DDX10: variants seen among roughly 807,000 people sequenced by gnomAD.
DDX10 encodes probable ATP-dependent RNA helicase DDX10.
In DDX10, 74 loss-of-function variants were observed where a neutral mutation model predicts 104.3. The ratio of observed to expected loss-of-function variants is 0.71; its 90% confidence interval spans 0.59 to 0.86. The LOEUF is 0.86. DDX10 is among the 40% of genes least tolerant of loss of function. The probability of loss-of-function intolerance (pLI) is 0.00; values close to 1 mark genes in which losing one functional copy is unlikely to be tolerated. For missense variants in DDX10, 952 were observed against 1,040.0 expected, an observed-to-expected ratio of 0.92 and a Z score of 1.16; for synonymous variants, 351 against 353.4, an observed-to-expected ratio of 0.99 and a Z score of 0.08.
At chr11:108,827,679 G>C (rs1031135191) in intron 13 of DDX10, among the ~76,000 whole-genome samples, 1 of 151,976 alleles carries the variant, frequency 6.6e-6, no homozygotes, top group Non-Finnish European at 1.5e-5. Flanking sequence ...AATCCTCCTT[G>C]TATCTATTGT....
rs189201029 is a variant in DDX10 at position 108,732,507 on chromosome 11, C to T, written c.1965+9045C>T. On this transcript the variant is annotated intron_variant, in intron 13 of 17. Coordinates refer to ENST00000322536, the MANE Select transcript of DDX10 (RefSeq NM_004398.4). ...AAAATGAATGTTTGCCTTTAGACTTCGGCGTAAATGGAGACGAGAGGTACT... is the reference window on the plus strand; with the variant it reads ...AAAATGAATGTTTGCCTTTAGACTTTGGCGTAAATGGAGACGAGAGGTACT... Among the ~76,000 whole-genome samples the T allele has an allele frequency of 8.5e-5, 13 of 152,208 alleles. No individual in the cohort carries two copies. In the East Asian group the frequency reaches 2.1e-3, roughly 25 times the overall value.
intron 13 of DDX10, chr11:108,767,915 CCTT>C (rs1276861311): frequency 1.3e-5 from 2 of 152,366 alleles, no homozygotes; most frequent in Non-Finnish European, 2.9e-5. Flanking sequence ...TAAGACCTGC[CCTT>C]CTTCTTCCTT....
intron 6 of DDX10, among the ~76,000 whole-genome samples, chr11:108,685,252 C>T (rs1002743215): frequency 6.6e-5 from 10 of 151,318 alleles, no homozygotes; most frequent in South Asian, 4.2e-4. Flanking sequence ...TTTCTTAAGC[C>T]GGTCTGAAAA....
At chr11:108,731,990 G>T (rs11212769) in intron 13 of DDX10, among the ~76,000 whole-genome samples, 18,688 of 152,124 alleles carry the variant, frequency 0.12, 1,563 homozygotes, top group East Asian at 0.27. Flanking sequence ...GACACAGAAG[G>T]GAACTGGCTT....
At chr11:108,916,228 C>T (rs558274383) in intron 16 of DDX10, among the ~76,000 whole-genome samples, 9 of 152,114 alleles carry the variant, frequency 5.9e-5, no homozygotes, top group Admixed American at 1.3e-4. Context: ...GGGCATCAGA[C>T]GGGAAAATTA....
At chr11:108,872,240 G>A (rs1332596401) in intron 16 of DDX10, among the ~76,000 whole-genome samples, 2 of 152,114 alleles carry the variant, frequency 1.3e-5, no homozygotes, top group Non-Finnish European at 2.9e-5. Flanking sequence ...ATGACTAATT[G>A]TATTCAAAGT....
chr11:108,917,525 C>T (rs1863766906), intron 16 of DDX10, among the ~76,000 whole-genome samples: 1 of 152,112 alleles, frequency 6.6e-6, no homozygotes, highest in African/African-American at 2.4e-5. Context: ...CCTCATCCTC[C>T]TGAGTAGCTG....
intron 14 of DDX10, 139 bp downstream of exon 14, chr11:108,838,704 T>C: frequency 2.1e-6 from 2 of 971,416 alleles, no homozygotes; most frequent in Non-Finnish European, 2.9e-6. Context: ...ACTGTTACTG[T>C]AGGCTGTACA....
intron 13 of DDX10, among the ~76,000 whole-genome samples, chr11:108,773,911 T>A (rs78851722): frequency 0.011 from 1,639 of 152,216 alleles, 36 homozygotes; most frequent in African/African-American, 0.037. Flanking sequence ...AAAGAAGATG[T>A]CTTGCTTGTA....
At chr11:108,920,515 G>T (rs1863809593) in intron 17 of DDX10, 2 of 152,164 alleles carry the variant, frequency 1.3e-5, no homozygotes, top group South Asian at 2.1e-4. Flanking sequence ...CACAGAGATT[G>T]TCTAATCTTA....
At chr11:108,741,397 C>A in intron 13 of DDX10, among the ~76,000 whole-genome samples, 1 of 151,992 alleles carries the variant, frequency 6.6e-6, no homozygotes, top group Non-Finnish European at 1.5e-5. Context: ...TTGTTTTGGG[C>A]AGTATGGCCA....
intron 16 of DDX10, among the ~76,000 whole-genome samples, chr11:108,915,049 A>C (rs1863728928): frequency 6.6e-6 from 1 of 152,146 alleles, no homozygotes; most frequent in Admixed American, 6.5e-5. Context: ...TCCAGTATAC[A>C]TGTGCTTGGA....
chr11:108,716,499 A>G (rs1190941347), intron 11 of DDX10, among the ~76,000 whole-genome samples: 1 of 152,200 alleles, frequency 6.6e-6, no homozygotes, highest in Non-Finnish European at 1.5e-5. Flanking sequence ...ATCCTCTCAA[A>G]TGTGATTTTT....
At chr11:108,731,055 CTT>C (rs200365845) in intron 13 of DDX10, among the ~76,000 whole-genome samples, 7 of 142,612 alleles carry the variant, frequency 4.9e-5, no homozygotes, top group African/African-American at 5.1e-5. Context: ...ATTGCCGTTT[CTT>C]TTTTTTTTTT....
chr11:108,894,186 T>A (rs147501537), intron 16 of DDX10, among the ~76,000 whole-genome samples: 2 of 152,060 alleles, frequency 1.3e-5, no homozygotes, highest in African/African-American at 4.8e-5. Context: ...TAATACACTT[T>A]GCATGTTTTA....
chr11:108,735,193 A>G (rs539262889), intron 13 of DDX10, among the ~76,000 whole-genome samples: 1 of 152,196 alleles, frequency 6.6e-6, no homozygotes, highest in African/African-American at 2.4e-5. Flanking sequence ...TTTTGCTTTG[A>G]TGCGAAGCTT....
chr11:108,695,541 C>A (rs1490565413), intron 9 of DDX10, among the ~76,000 whole-genome samples: 1 of 152,112 alleles, frequency 6.6e-6, no homozygotes, highest in South Asian at 2.1e-4. Context: ...CCTTGCTTAC[C>A]TAGGAAGTCC....
chr11:108,766,920 T>A (rs931387254), intron 13 of DDX10, among the ~76,000 whole-genome samples: 1 of 152,208 alleles, frequency 6.6e-6, no homozygotes, highest in Non-Finnish European at 1.5e-5. Flanking sequence ...AGCTTTCAGG[T>A]TGGCTTTAAA....
chr11:108,680,578 A>G (rs2094233480), intron 6 of DDX10, among the ~76,000 whole-genome samples: 1 of 152,230 alleles, frequency 6.6e-6, no homozygotes, highest in African/African-American at 2.4e-5. Flanking sequence ...TTTGGTATGA[A>G]TCACTGCAGA....
Sources: gnomAD v4.1 joint callset for allele counts (sites outside exome capture counted in the v4.1 genomes callset) on GRCh38, gnomAD v4.1.1 for gene constraint, MANE v1.5 for transcripts, NCBI Gene and HGNC (gene_info 2026-07-23, HGNC 2026-07-21) for gene names.